EYS: variants seen among roughly 807,000 people sequenced by gnomAD.
EYS encodes EGF-like photoreceptor maintenance factor.
In EYS, 250 loss-of-function variants were observed where a neutral mutation model predicts 282.1. That is an observed-to-expected ratio of 0.89 (90% CI 0.80 to 0.98). EYS has a LOEUF of 0.98. Among genes scored for constraint, EYS ranks in the 50% least tolerant of loss-of-function variants. The probability of loss-of-function intolerance (pLI) is 0.00; values close to 1 mark genes in which losing one functional copy is unlikely to be tolerated. For missense variants in EYS, 4,016 were observed against 3,709.0 expected, an observed-to-expected ratio of 1.08 and a Z score of -2.15; for synonymous variants, 1,355 against 1,282.9, an observed-to-expected ratio of 1.06 and a Z score of -1.20.
intron 26 of EYS, among the ~76,000 whole-genome samples, chr6:64,451,681 C>T (rs7451523): frequency 6.6e-6 from 1 of 151,984 alleles, no homozygotes; most frequent in East Asian, 1.9e-4. Context: ...GGGCTTCATC[C>T]CCGGGATGCA....
At chr6:65,451,856 AT>A (rs1201547917) in intron 5 of EYS, among the ~76,000 whole-genome samples, 3 of 151,898 alleles carry the variant, frequency 2.0e-5, no homozygotes, top group African/African-American at 7.2e-5. Context: ...AAAGTGTCTA[AT>A]TTTTTAAAAA....
chr6:63,755,535 T>C (rs1375097629), intron 41 of EYS, among the ~76,000 whole-genome samples: 1 of 152,230 alleles, frequency 6.6e-6, no homozygotes, highest in African/African-American at 2.4e-5. Context: ...TACTGTAGCC[T>C]TGTAGTCCAG....
At chr6:63,915,266 A>G (rs1764392516) in intron 35 of EYS, among the ~76,000 whole-genome samples, 1 of 152,198 alleles carries the variant, frequency 6.6e-6, no homozygotes, top group Non-Finnish European at 1.5e-5. Flanking sequence ...TGCTAAAGCC[A>G]TTCTGCTTGT....
intron 12 of EYS, among the ~76,000 whole-genome samples, chr6:65,124,204 TA>T (rs1232614367): frequency 2.7e-5 from 4 of 149,172 alleles, no homozygotes; most frequent in Admixed American, 6.7e-5. Context: ...TAAATAAATG[TA>T]AAAAAAAACA....
rs113044089 is a variant in EYS, at chr6:65,496,311, C to T, written c.-332-318G>A. Among the ~76,000 whole-genome samples the T allele has an allele frequency of 5.7e-3, 871 of 151,844 alleles. 11 individuals carry two copies. Among genetic ancestry groups the T allele is most frequent in the East Asian group, 0.036 (184 of 5,176 alleles). On this transcript the variant is annotated intron_variant, in intron 2 of 42. Transcript: ENST00000503581. Reference sequence around the variant, plus strand: ...GTAGTAACTGAAAGGAGGGGTCAGCCCATCAATTCTGTTGTTCCAGAGGGC... The same window carrying T: ...GTAGTAACTGAAAGGAGGGGTCAGCTCATCAATTCTGTTGTTCCAGAGGGC...
intron 12 of EYS, among the ~76,000 whole-genome samples, chr6:65,295,211 T>C (rs1768628886): frequency 6.7e-6 from 1 of 150,218 alleles, no homozygotes; most frequent in South Asian, 2.1e-4. Flanking sequence ...GTTCTGATTT[T>C]ATAAGGTAAT....
rs114263389 is a variant in EYS at position 65,201,939 on chromosome 6, C to G, written c.2023+93924G>C. 2.2e-3 allele frequency among the ~76,000 whole-genome samples: 327 copies of G among 151,962 alleles called. 4 individuals carry two copies. Among genetic ancestry groups the G allele is most frequent in the African/African-American group, 7.5e-3 (311 of 41,390 alleles). ...GCCAGCCTGGGCAACATGGCGAGAC[C>G]CCATTTCTACATAAATACAAAAATA... On this transcript the variant is annotated intron_variant, in intron 12 of 42. Coordinates refer to ENST00000503581, the MANE Select transcript of EYS (RefSeq NM_001142800.2).
In EYS at chr6:63,839,363, T is replaced by A. The variant is rs1476827714; in HGVS notation, c.7228+24823A>T. On this transcript the variant is annotated intron_variant, in intron 36 of 42. Coordinates refer to ENST00000503581, the MANE Select transcript of EYS (RefSeq NM_001142800.2). ...TTCACTTAACATAATGTTATCCAAGTTTATCTATGTTGCTGCAAATGACAG... is the reference window on the plus strand; with the variant it reads ...TTCACTTAACATAATGTTATCCAAGATTATCTATGTTGCTGCAAATGACAG... Among the ~76,000 whole-genome samples, 6 of 152,328 alleles carry A rather than the reference T, an allele frequency of 3.9e-5. No homozygotes were observed. In the South Asian group the frequency reaches 8.3e-4, roughly 21 times the overall value.
intron 26 of EYS, among the ~76,000 whole-genome samples, chr6:64,487,900 C>G (rs1409114844): frequency 6.6e-6 from 1 of 150,802 alleles, no homozygotes; most frequent in African/African-American, 2.4e-5. Context: ...ATTAGTCATA[C>G]CTTTGTTTTT....
intron 10 of EYS, 64 bp from the exon 11 acceptor site, chr6:65,335,210 T>TAGTAA: frequency 2.5e-6 from 3 of 1,183,684 alleles, no homozygotes; most frequent in Non-Finnish European, 3.8e-6. Flanking sequence ...ATTACAATTG[T>TAGTAA]GACCTGAGAG....
At chr6:65,208,281 T>C (rs1272338539) in intron 12 of EYS, among the ~76,000 whole-genome samples, 1 of 151,832 alleles carries the variant, frequency 6.6e-6, no homozygotes, top group Non-Finnish European at 1.5e-5. Flanking sequence ...ATGGGTATTA[T>C]TAAAATGTGC....
intron 1 of EYS, among the ~76,000 whole-genome samples, chr6:65,648,324 G>A (rs867761895): frequency 3.3e-5 from 5 of 150,388 alleles, no homozygotes; most frequent in Admixed American, 6.6e-5. Flanking sequence ...ATGTGTGTGT[G>A]TGTGTGTGTG....
chr6:65,077,332 A>G (rs143848182), intron 12 of EYS, among the ~76,000 whole-genome samples: 17 of 152,206 alleles, frequency 1.1e-4, no homozygotes, highest in African/African-American at 3.8e-4. Context: ...GTCTTAGTCC[A>G]TCACCATTAA....
chr6:64,292,426 G>A (rs1402893380), intron 30 of EYS, among the ~76,000 whole-genome samples: 1 of 151,950 alleles, frequency 6.6e-6, no homozygotes, highest in Non-Finnish European at 1.5e-5. Context: ...TATGATAAAA[G>A]AAAATAAATT....
At chr6:65,207,345 A>G (rs146049274) in intron 12 of EYS, among the ~76,000 whole-genome samples, 1 of 146,186 alleles carries the variant, frequency 6.8e-6, no homozygotes, top group East Asian at 1.9e-4. Context: ...TACAAGAAGA[A>G]CTAAAAGACA....
At chr6:65,578,095 G>T (rs1339825188) in intron 2 of EYS, among the ~76,000 whole-genome samples, 1 of 151,812 alleles carries the variant, frequency 6.6e-6, no homozygotes, top group Admixed American at 6.6e-5. Context: ...CAAAGAGTAT[G>T]AAATCAGTAT....
chr6:65,062,836 G>A (rs557751828), intron 12 of EYS, among the ~76,000 whole-genome samples: 5 of 151,794 alleles, frequency 3.3e-5, no homozygotes, highest in South Asian at 2.1e-4. Context: ...TCACATCACC[G>A]TCTTTTACTT....
intron 2 of EYS, among the ~76,000 whole-genome samples, chr6:65,572,047 G>A (rs1460252308): frequency 6.6e-6 from 1 of 151,942 alleles, no homozygotes; most frequent in South Asian, 2.1e-4. Context: ...ATCTTCTCTG[G>A]TGAATATCAA....
chr6:65,143,144 A>G (rs1476404286), intron 12 of EYS, among the ~76,000 whole-genome samples: 3 of 152,044 alleles, frequency 2.0e-5, no homozygotes, highest in African/African-American at 7.2e-5. Context: ...CACACCCGAG[A>G]ATGAATCATA....
Sources: gnomAD v4.1 joint callset for allele counts (sites outside exome capture counted in the v4.1 genomes callset) on GRCh38, gnomAD v4.1.1 for gene constraint, MANE v1.5 for transcripts, NCBI Gene and HGNC (gene_info 2026-07-23, HGNC 2026-07-21) for gene names.